CSNK2A1: variants seen among roughly 807,000 people sequenced by gnomAD.
CSNK2A1 encodes casein kinase II subunit alpha.
CSNK2A1 carries 10 observed loss-of-function variants against 62.9 expected under a neutral mutation model. The ratio of observed to expected loss-of-function variants is 0.16; its 90% CI spans 0.10 to 0.27. The LOEUF (loss-of-function observed/expected upper bound fraction) is 0.27, where lower values mean the gene tolerates loss of function less well. Ranked by LOEUF, CSNK2A1 falls within the 10% of genes least tolerant of loss-of-function variation. CSNK2A1 has a pLI of 1.00. For missense variants in CSNK2A1, 160 were observed against 492.0 expected (o/e 0.33, Z 6.38); for synonymous variants, 124 against 167.8 (o/e 0.74, Z 2.02).
intron 8 of CSNK2A1, chr20:494,456 G>GA (rs2018304069): frequency 6.6e-6 from 1 of 152,182 alleles, no homozygotes; most frequent in Non-Finnish European, 1.5e-5. Context: ...AGCTTTTCAA[G>GA]AAACCAACCA....
At chr20:527,834 C>CGG (rs2019129898) in intron 2 of CSNK2A1, 99 bp downstream of exon 2, 1 of 152,078 alleles carries the variant, frequency 6.6e-6, no homozygotes, top group Non-Finnish European at 1.5e-5. Flanking sequence ...CCACTGTGCC[C>CGG]GGCCTGTGGT....
At chr20:516,960 T>A (rs1048955239) in intron 2 of CSNK2A1, among the ~76,000 whole-genome samples, 3 of 152,230 alleles carry the variant, frequency 2.0e-5, no homozygotes, top group African/African-American at 7.2e-5. Flanking sequence ...GAATGAGGAA[T>A]GTGCTTAGAT....
chr20:536,513 G>T (rs2019327199), intron 1 of CSNK2A1, among the ~76,000 whole-genome samples: 1 of 152,150 alleles, frequency 6.6e-6, no homozygotes, highest in Non-Finnish European at 1.5e-5. Context: ...GTTGCCCAAG[G>T]TAGTTGTTAT....
chr20:512,074 G>T (rs2018733965), intron 2 of CSNK2A1, among the ~76,000 whole-genome samples: 1 of 152,028 alleles, frequency 6.6e-6, no homozygotes, highest in African/African-American at 2.4e-5. Context: ...TGTTTTTATA[G>T]AGACAGGGGT....
chr20:493,818 T>C (rs1246297818), intron 8 of CSNK2A1, among the ~76,000 whole-genome samples: 1 of 152,196 alleles, frequency 6.6e-6, no homozygotes, highest in Non-Finnish European at 1.5e-5. Context: ...CTCTATCATT[T>C]TGAGAATGCT....
chr20:499,457 G>A lies in CSNK2A1; in HGVS notation c.316-152C>T, dbSNP rs578234366. 475 of 611,450 alleles carry A rather than the reference G, an allele frequency of 7.8e-4. 2 individuals are homozygous for A. Among genetic ancestry groups the A allele is most frequent in the Non-Finnish European group, 1.1e-3 (384 of 362,598 alleles). The allele number at this position is 611,450 out of a possible 1,614,324, so 37.9% of individuals were successfully genotyped here. On this transcript the variant is annotated intron_variant, in intron 5 of 13. Coordinates refer to ENST00000217244, the MANE Select transcript of CSNK2A1 (RefSeq NM_177559.3). This position sits in a 1 kb window ranked among gnomAD's most constrained non-coding sequence, Gnocchi z 4.2. The stretch of plus-strand genomic sequence containing the variant: ...TATTGCTACAAGCCCTCCCCGCTCT[G>A]ATCATCACCGCACTTAGGTCATTTT...
chr20:525,580 G>A (rs1181584455), intron 2 of CSNK2A1, among the ~76,000 whole-genome samples: 5 of 150,346 alleles, frequency 3.3e-5, no homozygotes, highest in Non-Finnish European at 7.4e-5. Context: ...GAACCCGGGA[G>A]GCAGAGCTTG....
At position 508,491 on chromosome 20, in the gene CSNK2A1, G is replaced by C. The variant is rs1298863214; in HGVS notation, c.61C>G (p.Arg21Gly). The C allele has an allele frequency of 6.2e-7, 1 of 1,614,002 alleles. No homozygotes were observed. Among genetic ancestry groups the C allele is most frequent in the East Asian group, 2.2e-5 (1 of 44,876 alleles). Residue 21 changes from arginine (R) to glycine (G), a missense_variant, in exon 3 of 14, where the codon CGA becomes GGA. Physicochemically the swap from Arg to Gly is moderately radical, Grantham distance 125. Around this residue, in one of 3 missense-constraint regions of CSNK2A1, gnomAD observed 15 missense variants for 25.6 expected, o/e 0.59. Transcript: ENST00000217244. ...VYTDVNTHRP[R>G]EYWDYESHVV... ...TGTGACTCGTAATCCCAGTATTCTCGAGGTCTGTGTGTATTAACATCTGTG... is the reference window on the plus strand; with the variant it reads ...TGTGACTCGTAATCCCAGTATTCTCCAGGTCTGTGTGTATTAACATCTGTG...
intron 2 of CSNK2A1, among the ~76,000 whole-genome samples, chr20:519,865 T>G (rs1484829175): frequency 6.6e-6 from 1 of 152,164 alleles, no homozygotes; most frequent in Non-Finnish European, 1.5e-5. Context: ...CTTGAGGAGC[T>G]TTAAAACATA....
At position 473,862 on chromosome 20, in the gene CSNK2A1, C is replaced by T. The variant is rs542670832; in HGVS notation, c.*10099G>A. 1 of 152,300 alleles carries T rather than the reference C, an allele frequency of 6.6e-6. No individual in the cohort carries two copies. Among genetic ancestry groups the T allele is most frequent in the South Asian group, 2.1e-4 (1 of 4,822 alleles). The allele number at this position is 152,300 out of a possible 1,614,324, so 9.4% of individuals were successfully genotyped here. A position where few individuals can be genotyped will look rare whatever the true frequency, so the allele number is the denominator to read the frequency against. ...CCAGAAGACCTTTTCCAGAAGACCTCTCCCTGTGTATCCACTTCTAAACCA... is the reference window on the plus strand; with the variant it reads ...CCAGAAGACCTTTTCCAGAAGACCTTTCCCTGTGTATCCACTTCTAAACCA... On this transcript the variant is annotated 3_prime_UTR_variant, in exon 14 of 14. Coordinates refer to ENST00000217244, the MANE Select transcript of CSNK2A1 (RefSeq NM_177559.3).
chr20:517,646 A>G (rs2018854753), intron 2 of CSNK2A1, among the ~76,000 whole-genome samples: 1 of 152,240 alleles, frequency 6.6e-6, no homozygotes, highest in Non-Finnish European at 1.5e-5. Context: ...GGAATTATTC[A>G]GATGGAAAAC....
At chr20:490,731 G>A (rs1202360754) in intron 9 of CSNK2A1, among the ~76,000 whole-genome samples, 4 of 145,990 alleles carry the variant, frequency 2.7e-5, no homozygotes, top group African/African-American at 1.0e-4. Flanking sequence ...AAAGACACAG[G>A]GTCTTGCTCT....
In CSNK2A1 at chr20:486,256, A is replaced by G; in HGVS notation, c.1060+120T>C. 3 of 1,141,648 alleles carry G rather than the reference A, an allele frequency of 2.6e-6. 1 individual carries two copies. Among genetic ancestry groups the G allele is most frequent in the South Asian group, 3.2e-5 (2 of 63,232 alleles). The allele number at this position is 1,141,648 out of a possible 1,614,324, so 70.7% of individuals were successfully genotyped here. On this transcript the variant is annotated intron_variant, in intron 13 of 13. Transcript: ENST00000217244. The stretch of plus-strand genomic sequence containing the variant: ...TGTCAAGCATGCTGAAACCTGGTTA[A>G]AAAAAAGTCACAAGGCCACCAGTAC...
chr20:507,889 G>A (rs2018638709), intron 3 of CSNK2A1: 1 of 152,162 alleles, frequency 6.6e-6, no homozygotes, highest in Admixed American at 6.5e-5. Flanking sequence ...GTTATTTAAT[G>A]ACATTCTGAG....
chr20:490,083 G>A (rs1167645538), intron 9 of CSNK2A1, among the ~76,000 whole-genome samples: 1 of 149,022 alleles, frequency 6.7e-6, no homozygotes, highest in Non-Finnish European at 1.5e-5. Context: ...CCATGCTGGA[G>A]TGCAGTGGCG....
rs544931872 is a variant in CSNK2A1 at position 487,041 on chromosome 20, T to C, written c.973+386A>G. ...TCACTTAGGATGGCACAGGTGGCTA[T>C]ACTCACAAATCTAAGTCAAGGTGTT... On this transcript the variant is annotated intron_variant, in intron 12 of 13. Transcript: ENST00000217244. 4 of 211,998 alleles carry C rather than the reference T, an allele frequency of 1.9e-5. No individual in the cohort carries two copies. In the South Asian group the frequency reaches 4.0e-4, roughly 21 times the overall value. The allele number at this position is 211,998 out of a possible 1,614,324, so 13.1% of individuals were successfully genotyped here.
chr20:507,718 C>A (rs920105996), intron 3 of CSNK2A1: 4 of 152,190 alleles, frequency 2.6e-5, no homozygotes, highest in Middle Eastern at 3.2e-3. Flanking sequence ...TGTATTAACA[C>A]GAAACAACAT....
rs999096567 is a variant in CSNK2A1 at position 492,117 on chromosome 20, A to G, written c.621+137T>C. On this transcript the variant is annotated intron_variant, in intron 9 of 13. Coordinates refer to ENST00000217244, the MANE Select transcript of CSNK2A1 (RefSeq NM_177559.3). ...TGAATTAAGGTGATTTATATTTTAC[A>G]TTTCATATAAAAAGGACAGCTGTGA... The G allele has an allele frequency of 1.1e-5, 7 of 644,718 alleles. No individual in the cohort carries two copies. The African/African-American group carries it at 1.1e-4, about 10-fold the overall frequency. The allele number at this position is 644,718 out of a possible 1,614,324, so 39.9% of individuals were successfully genotyped here. A position where few individuals can be genotyped will look rare whatever the true frequency, so the allele number is the denominator to read the frequency against.
intron 1 of CSNK2A1, chr20:540,872 T>G (rs1369611901): frequency 1.3e-5 from 2 of 152,234 alleles, no homozygotes; most frequent in African/African-American, 4.8e-5. Context: ...TAGCTAGGTC[T>G]TTTGCTTAGG....
Sources: allele counts gnomAD v4.1 joint callset (sites outside exome capture counted in the v4.1 genomes callset), GRCh38; gene constraint gnomAD v4.1.1; regional missense constraint gnomAD v4.1.1; non-coding constraint Gnocchi (gnomAD v3.1); transcripts MANE v1.5; gene names NCBI Gene and HGNC (gene_info 2026-07-23, HGNC 2026-07-21).